The following ATP6V0A4 variants were observed in gnomAD, a reference collection of about 807,000 sequenced individuals.
ATP6V0A4 encodes the protein V-type proton ATPase 116 kDa subunit a 4.
A neutral mutation model predicts 107.3 loss-of-function variants in ATP6V0A4; 86 were observed. That is an observed-to-expected ratio of 0.80 (90% CI 0.67 to 0.96). The LOEUF (loss-of-function observed/expected upper bound fraction) is 0.96, where lower values mean the gene tolerates loss of function less well. Among genes scored for constraint, ATP6V0A4 ranks in the 40% least tolerant of loss-of-function variants. The pLI is 0.00. For synonymous variants in ATP6V0A4, 353 were observed against 381.4 expected (o/e 0.93, Z 0.87); for missense variants, 908 against 1,045.6 (o/e 0.87, Z 1.81).
chr7:138,721,049 G>A (rs535704916), intron 19 of ATP6V0A4, among the ~76,000 whole-genome samples: 3 of 152,270 alleles, frequency 2.0e-5, no homozygotes, highest in South Asian at 4.2e-4. Context: ...ACAGAGCTCC[G>A]GTTAAAGCCT....
intron 5 of ATP6V0A4, among the ~76,000 whole-genome samples, chr7:138,766,603 A>C (rs918291952): frequency 3.3e-5 from 5 of 152,120 alleles, no homozygotes; most frequent in African/African-American, 7.2e-5. Flanking sequence ...AATTTCCCCC[A>C]AAAATAAAAA....
intron 21 of ATP6V0A4, 112 bp downstream of exon 21, chr7:138,709,512 T>G: frequency 1.0e-6 from 1 of 959,792 alleles, no homozygotes; most frequent in East Asian, 2.4e-5. Flanking sequence ...CAAAGAGGTA[T>G]GTAAGCTGCT....
chr7:138,751,689 G>C (rs1001614728), intron 11 of ATP6V0A4, among the ~76,000 whole-genome samples: 7 of 152,034 alleles, frequency 4.6e-5, no homozygotes, highest in Admixed American at 1.3e-4. Context: ...GGAATGAATG[G>C]AGGGAGCGGT....
chr7:138,713,509 T>G (rs1201534765), intron 20 of ATP6V0A4, among the ~76,000 whole-genome samples: 2 of 152,120 alleles, frequency 1.3e-5, no homozygotes, highest in African/African-American at 4.8e-5. Context: ...CTAGGCATTA[T>G]GCTCAGTGCC....
At chr7:138,729,526 G>A (rs1465091989) in intron 17 of ATP6V0A4, among the ~76,000 whole-genome samples, 1 of 152,124 alleles carries the variant, frequency 6.6e-6, no homozygotes, top group East Asian at 1.9e-4. Flanking sequence ...GCGGTCTTCA[G>A]GCCTCTGCTG....
intron 17 of ATP6V0A4, among the ~76,000 whole-genome samples, chr7:138,730,931 CTTTTTTTATT>C (rs1392146723): frequency 1.6e-5 from 2 of 123,760 alleles, no homozygotes; most frequent in Middle Eastern, 4.6e-3. Flanking sequence ...TCTTCTTCTT[CTTTTTTTATT>C]TTTTTTTTTG....
chr7:138,716,028 A>G, intron 19 of ATP6V0A4, 147 bp from the exon 20 acceptor site: 1 of 1,148,928 alleles, frequency 8.7e-7, no homozygotes, highest in South Asian at 1.3e-5. Flanking sequence ...ATAGACTTAG[A>G]GAAAGAATTA....
At chr7:138,739,406 A>T in intron 15 of ATP6V0A4, 134 bp downstream of exon 15, 1 of 1,128,840 alleles carries the variant, frequency 8.9e-7, no homozygotes, top group Non-Finnish European at 1.3e-6. Flanking sequence ...TGTCACAAAA[A>T]CGTCAGCAGA....
intron 15 of ATP6V0A4, among the ~76,000 whole-genome samples, chr7:138,737,825 G>A (rs1190970236): frequency 6.7e-6 from 1 of 148,182 alleles, no homozygotes. Context: ...GCAGTGGCAT[G>A]ATCTCAGCTC....
At position 138,782,906 on chromosome 7, in the gene ATP6V0A4, C is replaced by G. The variant is rs1011625942; in HGVS notation, c.-18+3252G>C. 2.0e-5 allele frequency among the ~76,000 whole-genome samples: 3 copies of G among 152,292 alleles called. No individual in the cohort carries two copies. In the South Asian group the frequency reaches 6.2e-4, roughly 32 times the overall value. ...TCTGGCCAACATAGTGAAACCCCTT[C>G]TCTACTAAAAATACAAAAATTAGCT... is the stretch of plus-strand genomic sequence containing the variant. On this transcript the variant is annotated intron_variant, in intron 2 of 21. Coordinates refer to ENST00000310018, the MANE Select transcript of ATP6V0A4 (RefSeq NM_020632.3).
At chr7:138,749,094 G>A (rs564241964) in intron 12 of ATP6V0A4, 73 bp downstream of exon 12, 58 of 1,578,072 alleles carry the variant, frequency 3.7e-5, no homozygotes, top group South Asian at 3.2e-4. Context: ...TCACCACCTC[G>A]GTCACCTCAG....
intron 1 of ATP6V0A4, among the ~76,000 whole-genome samples, chr7:138,787,900 G>A: frequency 6.6e-6 from 1 of 152,270 alleles, no homozygotes; most frequent in East Asian, 1.9e-4. Context: ...TCAGGAGGCT[G>A]AGGCAGGAGG....
intron 18 of ATP6V0A4, among the ~76,000 whole-genome samples, chr7:138,727,775 A>G (rs2117226321): frequency 6.6e-6 from 1 of 152,368 alleles, no homozygotes; most frequent in Non-Finnish European, 1.5e-5. Context: ...GAGAACGACC[A>G]TCTCAAACCG....
chr7:138,716,522 A>G (rs1804042095), intron 19 of ATP6V0A4, among the ~76,000 whole-genome samples: 1 of 148,758 alleles, frequency 6.7e-6, no homozygotes, highest in South Asian at 2.1e-4. Flanking sequence ...CGAAGAAGAC[A>G]GCCATAGCTC....
intron 11 of ATP6V0A4, among the ~76,000 whole-genome samples, chr7:138,750,868 A>T (rs1232349002): frequency 6.6e-6 from 1 of 152,158 alleles, no homozygotes; most frequent in East Asian, 1.9e-4. Context: ...TCCTGGCTAT[A>T]GGACTGTAGT....
intron 8 of ATP6V0A4, among the ~76,000 whole-genome samples, chr7:138,757,702 A>G (rs1003251209): frequency 2.0e-4 from 31 of 152,158 alleles, no homozygotes; most frequent in African/African-American, 6.0e-4. Context: ...TTTTTCTTGA[A>G]CTTGTTTATT....
rs992982971 is a variant in ATP6V0A4 at position 138,790,660 on chromosome 7, A to C, written c.-120-4400T>G. 4.6e-5 allele frequency among the ~76,000 whole-genome samples: 7 copies of C among 152,278 alleles called. No individual in the cohort carries two copies. The East Asian group carries it at 7.7e-4, about 17-fold the overall frequency. On this transcript the variant is annotated intron_variant, in intron 1 of 21. Coordinates refer to ENST00000310018, the MANE Select transcript of ATP6V0A4 (RefSeq NM_020632.3). ...ACTGCTTCCAAGCTTTCACTTTTAC[A>C]AACATTGTAATATTGAGATGGAGAA...
intron 1 of ATP6V0A4, among the ~76,000 whole-genome samples, chr7:138,786,625 T>C (rs1450470857): frequency 6.6e-6 from 1 of 151,420 alleles, no homozygotes; most frequent in Non-Finnish European, 1.5e-5. Context: ...AAGTTTATCA[T>C]GGATGGATTT....
At chr7:138,735,878 G>A (rs891155290) in intron 15 of ATP6V0A4, among the ~76,000 whole-genome samples, 1 of 26,474 alleles carries the variant, frequency 3.8e-5, no homozygotes, top group African/African-American at 1.8e-4. Context: ...TGGTAACAAA[G>A]TGAGACCCCG....
Sources: gnomAD v4.1 joint callset for allele counts (sites outside exome capture counted in the v4.1 genomes callset) on GRCh38, gnomAD v4.1.1 for gene constraint, MANE v1.5 for transcripts, NCBI Gene and HGNC (gene_info 2026-07-23, HGNC 2026-07-21) for gene names.